The following DDX11 variants were observed in gnomAD, a reference collection of about 807,000 sequenced individuals.
DDX11 encodes ATP-dependent DNA helicase DDX11.
DDX11 carries 72 observed loss-of-function variants against 125.2 expected under a neutral mutation model. The observed-to-expected ratio is 0.58, with a 90% CI of 0.48 to 0.70. DDX11 has a LOEUF of 0.70. Ranked by LOEUF, DDX11 falls within the 30% of genes least tolerant of loss-of-function variation. The pLI is 0.00. For missense variants in DDX11, 883 were observed against 1,165.0 expected (o/e 0.76, Z 3.52); for synonymous variants, 347 against 452.6 (o/e 0.77, Z 2.96).
rs1471135740 is a variant in DDX11 at position 31,104,090 on chromosome 12, A to C, written c.*254A>C. 9.2e-6 allele frequency: 14 copies of C among 1,515,366 alleles called. No homozygotes were observed. The highest frequency in any genetic ancestry group is 6.2e-6 in the Non-Finnish European group (7 of 1,130,550). The allele number at this position is 1,515,366 out of a possible 1,614,324, so 93.9% of individuals were successfully genotyped here. On this transcript the variant is annotated 3_prime_UTR_variant, in exon 27 of 27. Coordinates refer to ENST00000542838, the MANE Select transcript of DDX11 (RefSeq NM_030653.4). Reference sequence around the variant, plus strand: ...CAGGGCAGCTCCCCTCCTGGAATAGAATCTTTCTTTCCATCCTGCATGGCT... The same window carrying C: ...CAGGGCAGCTCCCCTCCTGGAATAGCATCTTTCTTTCCATCCTGCATGGCT...
At chr12:31,086,015 C>G in intron 5 of DDX11, 1 of 453,456 alleles carries the variant, frequency 2.2e-6, no homozygotes, top group Non-Finnish European at 4.4e-6. Context: ...CCTTCACAGT[C>G]TGTCTGCAGG....
rs1365932283 is a variant in DDX11 at position 31,081,651 on chromosome 12, T to G, written c.145-2162T>G. 2.0e-5 allele frequency among the ~76,000 whole-genome samples: 3 copies of G among 151,360 alleles called. No individual in the cohort carries two copies. The East Asian group carries it at 5.8e-4, about 29-fold the overall frequency. ...TGTCCTCAGCTCTGAGCCCCATGCT[T>G]GCTGCAACCAGCAGGTGTTCAGAGT... On this transcript the variant is annotated intron_variant, in intron 2 of 26. Transcript: ENST00000542838.
intron 1 of DDX11, among the ~76,000 whole-genome samples, chr12:31,077,646 G>C (rs1385801876): frequency 6.6e-6 from 1 of 152,168 alleles, no homozygotes; most frequent in African/African-American, 2.4e-5. Flanking sequence ...AGGAGATCGA[G>C]ACCATCCTGG....
intron 6 of DDX11, 87 bp downstream of exon 6, chr12:31,088,070 A>G (rs1943485876): frequency 1.9e-6 from 3 of 1,564,038 alleles, no homozygotes; most frequent in East Asian, 2.3e-5. Context: ...TCACTTGGCT[A>G]CTTCTCACCC....
rs759186293 is a variant in DDX11, at chr12:31,083,856, G to C, written c.188G>C (p.Arg63Pro). 1 of 1,612,458 alleles carries C rather than the reference G, an allele frequency of 6.2e-7. No individual in the cohort carries two copies. Among genetic ancestry groups the C allele is most frequent in the Admixed American group, 1.7e-5 (1 of 60,020 alleles). ...SLICGALSWL[R>P]DFEQKKREEE... The stretch of plus-strand genomic sequence containing the variant: ...ATTTGTGGGGCCCTCTCTTGGCTCC[G>C]TGACTTTGAACAGAAGAAGCGTGAA... The change falls in exon 3 of 27, where the codon CGT becomes CCT. Residue 63 changes from arginine to proline, a missense_variant. Around this residue, in one of 5 missense-constraint regions of DDX11, gnomAD observed 283 missense variants for 359.6 expected, o/e 0.79. Transcript: ENST00000542838.
At chr12:31,100,968 G>A in intron 19 of DDX11, 59 bp from the exon 20 acceptor site, 1 of 1,459,330 alleles carries the variant, frequency 6.9e-7, no homozygotes. Context: ...TGCCCTCTCT[G>A]CAGTGTCTTG....
At chr12:31,102,575 C>T (rs971637870) in intron 23 of DDX11, 48 bp downstream of exon 23, 1 of 1,560,474 alleles carries the variant, frequency 6.4e-7, no homozygotes, top group East Asian at 2.2e-5. Context: ...CATGGCCGGC[C>T]CTCACTCCCA....
chr12:31,081,314 A>G (rs1941881032), intron 2 of DDX11, among the ~76,000 whole-genome samples: 1 of 152,180 alleles, frequency 6.6e-6, no homozygotes, highest in Admixed American at 6.5e-5. Context: ...AGAAGCAGCC[A>G]TGCTGTGGGA....
At chr12:31,077,415 G>GA (rs1214436330) in intron 1 of DDX11, among the ~76,000 whole-genome samples, 3 of 152,268 alleles carry the variant, frequency 2.0e-5, no homozygotes, top group African/African-American at 7.2e-5. Context: ...CCGTGGCTGT[G>GA]AAGAGAGCTC....
chr12:31,099,614 C>T (rs902005502), intron 18 of DDX11, among the ~76,000 whole-genome samples: 26 of 150,916 alleles, frequency 1.7e-4, no homozygotes, highest in African/African-American at 6.4e-4. Context: ...TGCCTGGTCA[C>T]TAGGCTCTAA....
chr12:31,091,979 A>G, intron 10 of DDX11, 108 bp downstream of exon 10: 1 of 1,512,562 alleles, frequency 6.6e-7, no homozygotes, highest in Non-Finnish European at 9.1e-7. Flanking sequence ...GGGGCTTGAT[A>G]GAGGGTGCAC....
At chr12:31,093,763 A>AT (rs1944711850) in intron 12 of DDX11, 1 of 191,380 alleles carries the variant, frequency 5.2e-6, no homozygotes, top group African/African-American at 2.8e-5. Flanking sequence ...TTGGTCATTG[A>AT]TTTAGAAAAT....
At chr12:31,074,916 A>G (rs1592538669) in intron 1 of DDX11, among the ~76,000 whole-genome samples, 1 of 152,368 alleles carries the variant, frequency 6.6e-6, no homozygotes, top group East Asian at 1.9e-4. Flanking sequence ...TCACAGTCCC[A>G]GAGGCTTGGG....
chr12:31,093,932 A>T (rs1271165437), intron 12 of DDX11, among the ~76,000 whole-genome samples: 1 of 147,912 alleles, frequency 6.8e-6, no homozygotes, highest in African/African-American at 2.5e-5. Context: ...CGTGATAGGC[A>T]TAGTTCTGTG....
intron 1 of DDX11, among the ~76,000 whole-genome samples, chr12:31,077,413 G>A (rs1242218331): frequency 6.6e-6 from 1 of 152,182 alleles, no homozygotes; most frequent in Non-Finnish European, 1.5e-5. Context: ...CCCCGTGGCT[G>A]TGAAGAGAGC....
At chr12:31,089,624 T>A in intron 8 of DDX11, 134 bp downstream of exon 8, 1 of 1,068,348 alleles carries the variant, frequency 9.4e-7, no homozygotes, top group Non-Finnish European at 1.4e-6. Context: ...CTGAGTCCCC[T>A]CTCCTTGGGA....
At chr12:31,088,687 C>G (rs1943608032) in intron 6 of DDX11, among the ~76,000 whole-genome samples, 1 of 152,198 alleles carries the variant, frequency 6.6e-6, no homozygotes, top group African/African-American at 2.4e-5. Context: ...CACACTCCCT[C>G]CCCTCCCACC....
In DDX11 at chr12:31,094,419, C is replaced by T; in HGVS notation, c.1370-171C>T. Reference sequence around the variant, plus strand: ...CAGACATGGGAGGCTCCTGGACCCACCTGCCCTCTCAGTGGGTCCGTTGCA... The same window carrying T: ...CAGACATGGGAGGCTCCTGGACCCATCTGCCCTCTCAGTGGGTCCGTTGCA... On this transcript the variant is annotated intron_variant, in intron 12 of 26. Transcript: ENST00000542838. The T allele has an allele frequency of 2.4e-6, 3 of 1,234,488 alleles. No homozygotes were observed. The South Asian group carries it at 4.2e-5, about 17-fold the overall frequency. The allele number at this position is 1,234,488 out of a possible 1,614,324, so 76.5% of individuals were successfully genotyped here.
At chr12:31,087,373 A>G (rs1476762889) in intron 5 of DDX11, among the ~76,000 whole-genome samples, 1 of 152,102 alleles carries the variant, frequency 6.6e-6, no homozygotes, top group Non-Finnish European at 1.5e-5. Flanking sequence ...TGGACATGAC[A>G]GTCTGGGGAG....
Sources: allele counts gnomAD v4.1 joint callset (sites outside exome capture counted in the v4.1 genomes callset), GRCh38; gene constraint gnomAD v4.1.1; regional missense constraint gnomAD v4.1.1; transcripts MANE v1.5; gene names NCBI Gene and HGNC (gene_info 2026-07-23, HGNC 2026-07-21).